The following KIAA1217 variants were observed in gnomAD, a reference collection of about 807,000 sequenced individuals.
KIAA1217 encodes sickle tail protein homolog.
Under a neutral mutation model 163.9 loss-of-function variants are expected in KIAA1217, and 88 were observed. The observed-to-expected ratio is 0.54, with a 90% CI of 0.45 to 0.64. The LOEUF (loss-of-function observed/expected upper bound fraction) is 0.64. Among genes scored for constraint, KIAA1217 ranks in the 30% least tolerant of loss-of-function variants. The pLI is 0.00. For missense variants in KIAA1217, 2,372 were observed against 2,475.0 expected (o/e 0.96, Z 0.88); for synonymous variants, 903 against 923.1 (o/e 0.98, Z 0.39).
At chr10:23,733,364 T>C (rs1838589922) in intron 1 of KIAA1217, among the ~76,000 whole-genome samples, 1 of 152,198 alleles carries the variant, frequency 6.6e-6, no homozygotes, top group Non-Finnish European at 1.5e-5. Context: ...AAAAATTCTT[T>C]GATAAATCGC....
chr10:23,973,652 C>A (rs959756950), intron 1 of KIAA1217, among the ~76,000 whole-genome samples: 1 of 152,202 alleles, frequency 6.6e-6, no homozygotes, highest in Admixed American at 6.5e-5. Flanking sequence ...ATTGAATATA[C>A]TTCAAACAAG....
At chr10:23,953,994 C>A (rs2131360207) in intron 1 of KIAA1217, among the ~76,000 whole-genome samples, 1 of 152,280 alleles carries the variant, frequency 6.6e-6, no homozygotes, top group Middle Eastern at 3.4e-3. Flanking sequence ...TCTTCTCTTG[C>A]TATGAAACCA....
At chr10:24,372,202 G>A (rs1226685841) in intron 2 of KIAA1217, among the ~76,000 whole-genome samples, 6 of 152,272 alleles carry the variant, frequency 3.9e-5, no homozygotes, top group South Asian at 4.1e-4. Context: ...GGCTTTGATC[G>A]GGTGCTGCAG....
At chr10:23,939,662 A>G (rs1843672919) in intron 1 of KIAA1217, among the ~76,000 whole-genome samples, 1 of 152,026 alleles carries the variant, frequency 6.6e-6, no homozygotes, top group East Asian at 1.9e-4. Context: ...ACTTACAATT[A>G]TAATTAGAAA....
rs530992369 is a variant in KIAA1217, at chr10:24,220,446, C to CTTTTTTTTT, written c.354+555_354+563dup. ...ACATTAGGGTTTTGTTTCTGCTCTT[C>CTTTTTTTTT]TTTTTTTTTTTTTTTTTTTTTTTTT... is the stretch of plus-strand genomic sequence containing the variant. On this transcript the variant is annotated intron_variant, in intron 2 of 20. Transcript: ENST00000376454. Among the ~76,000 whole-genome samples, 66 of 103,092 alleles carry CTTTTTTTTT rather than the reference C, an allele frequency of 6.4e-4. 5 individuals are homozygous for CTTTTTTTTT. Among genetic ancestry groups the CTTTTTTTTT allele is most frequent in the African/African-American group, 2.9e-3 (59 of 20,050 alleles). 67.6% of individuals were successfully genotyped at this position (103,092 alleles called of 152,430 possible).
intron 1 of KIAA1217, among the ~76,000 whole-genome samples, chr10:23,811,157 T>C (rs150147846): frequency 0.01 from 1,425 of 141,252 alleles, 20 homozygotes; most frequent in African/African-American, 0.035. Flanking sequence ...GTATATAGTA[T>C]ACATGTATAC....
At chr10:24,101,645 T>C (rs1280898843) in intron 2 of KIAA1217, among the ~76,000 whole-genome samples, 1 of 152,236 alleles carries the variant, frequency 6.6e-6, no homozygotes, top group Non-Finnish European at 1.5e-5. Flanking sequence ...GATTTCGATA[T>C]ACTGATGCAA....
chr10:24,203,838 T>G (rs2067401534), upstream of KIAA1217, among the ~76,000 whole-genome samples: 1 of 152,020 alleles, frequency 6.6e-6, no homozygotes. Context: ...CATGTTACAC[T>G]TTTCACTTAT....
At chr10:24,180,280 C>CTTTT (rs34268461) in intron 2 of KIAA1217, among the ~76,000 whole-genome samples, 63 of 83,174 alleles carry the variant, frequency 7.6e-4, no homozygotes, top group East Asian at 1.3e-3. Flanking sequence ...CCTCAACCTT[C>CTTTT]TTTTTTTTTT....
intron 1 of KIAA1217, among the ~76,000 whole-genome samples, chr10:23,806,076 T>C (rs1201572420): frequency 8.0e-6 from 1 of 125,214 alleles, no homozygotes; most frequent in Non-Finnish European, 1.7e-5. Context: ...CATCAAATGA[T>C]AAAATTTTTG....
At chr10:23,773,547 T>C (rs1305717694) in intron 1 of KIAA1217, among the ~76,000 whole-genome samples, 1 of 152,150 alleles carries the variant, frequency 6.6e-6, no homozygotes, top group Non-Finnish European at 1.5e-5. Flanking sequence ...TGTAAATTAC[T>C]TTGGGCAGTA....
intron 5 of KIAA1217, among the ~76,000 whole-genome samples, chr10:24,439,409 C>T (rs1223311297): frequency 2.0e-5 from 3 of 152,074 alleles, no homozygotes; most frequent in African/African-American, 7.2e-5. Context: ...CCAAAGAAAC[C>T]CAGGCACTGT....
intron 1 of KIAA1217, among the ~76,000 whole-genome samples, chr10:23,818,752 A>G (rs879785060): frequency 1.3e-5 from 2 of 152,134 alleles, no homozygotes; most frequent in Non-Finnish European, 2.9e-5. Context: ...GGCTTAAGGA[A>G]GTGGGAAGGG....
chr10:24,494,758 T>G (rs1245830564), intron 7 of KIAA1217, among the ~76,000 whole-genome samples, 154 bp downstream of exon 7: 8 of 152,304 alleles, frequency 5.3e-5, no homozygotes, highest in Non-Finnish European at 1.0e-4. Context: ...TTTTTTGTTT[T>G]GGGGGGTTTG....
intron 10 of KIAA1217, among the ~76,000 whole-genome samples, chr10:24,513,810 A>G (rs542830722): frequency 6.7e-6 from 1 of 150,258 alleles, no homozygotes; most frequent in East Asian, 1.9e-4. Flanking sequence ...AAACAGAGAG[A>G]GTTGCAGCTT....
chr10:23,955,064 G>A (rs1844500354), intron 1 of KIAA1217, among the ~76,000 whole-genome samples: 1 of 152,162 alleles, frequency 6.6e-6, no homozygotes. Flanking sequence ...ACTGTGCCCA[G>A]TTTTTTATAT....
intron 1 of KIAA1217, among the ~76,000 whole-genome samples, chr10:23,873,686 G>GTCTGTT (rs776259182): frequency 5.9e-4 from 87 of 147,570 alleles, no homozygotes; most frequent in African/African-American, 2.3e-3. Flanking sequence ...CAAGTTGTCT[G>GTCTGTT]TTTCTCTCTC....
chr10:24,390,019 CT>C (rs1486515594), intron 3 of KIAA1217, among the ~76,000 whole-genome samples: 3 of 152,140 alleles, frequency 2.0e-5, no homozygotes. Context: ...TTTAAGGAAG[CT>C]TCCTCTTTAC....
At chr10:24,175,524 A>T (rs1260267581) in intron 2 of KIAA1217, among the ~76,000 whole-genome samples, 1 of 151,976 alleles carries the variant, frequency 6.6e-6, no homozygotes, top group Non-Finnish European at 1.5e-5. Flanking sequence ...AATCTTATCC[A>T]GGTTGCTGCA....
Sources: allele counts gnomAD v4.1 joint callset (sites outside exome capture counted in the v4.1 genomes callset), GRCh38; gene constraint gnomAD v4.1.1; transcripts MANE v1.5; gene names NCBI Gene and HGNC (gene_info 2026-07-23, HGNC 2026-07-21).